The following HMCN1 variants were observed in gnomAD, a reference collection of about 807,000 sequenced individuals.
HMCN1 encodes hemicentin-1.
In HMCN1, 321 loss-of-function variants were observed where a neutral mutation model predicts 625.9. The ratio of observed to expected loss-of-function variants is 0.51; its 90% CI spans 0.47 to 0.56. The LOEUF is 0.56. HMCN1 is among the 20% of genes least tolerant of loss of function. The probability of loss-of-function intolerance (pLI) is 0.00; values close to 1 mark genes in which losing one functional copy is unlikely to be tolerated. For synonymous variants in HMCN1, 2,425 were observed against 2,417.6 expected, an observed-to-expected ratio of 1.00 and a Z score of -0.09; for missense variants, 6,588 against 6,887.3, an observed-to-expected ratio of 0.96 and a Z score of 1.54.
At chr1:185,982,441 C>CTTTT in intron 18 of HMCN1, 52 bp downstream of exon 18, 19 of 1,227,292 alleles carry the variant, frequency 1.5e-5, no homozygotes, top group Admixed American at 2.2e-5. Flanking sequence ...GTTTTCTTTT[C>CTTTT]TTTTTTTTTT....
intron 4 of HMCN1, among the ~76,000 whole-genome samples, chr1:185,894,285 A>C (rs1280768186): frequency 1.3e-5 from 2 of 150,518 alleles, no homozygotes; most frequent in Non-Finnish European, 2.9e-5. Context: ...TTCAACATTA[A>C]GTTTGTGAGA....
At chr1:186,178,313 C>A (rs1328144724) in intron 103 of HMCN1, 103 bp from the exon 104 acceptor site, 6 of 858,760 alleles carry the variant, frequency 7.0e-6, no homozygotes, top group Non-Finnish European at 1.9e-6. Flanking sequence ...TGGAGGGTAA[C>A]AATGTCTTCA....
At chr1:185,873,724 A>T (rs1663770817) in intron 4 of HMCN1, among the ~76,000 whole-genome samples, 1 of 152,104 alleles carries the variant, frequency 6.6e-6, no homozygotes, top group Non-Finnish European at 1.5e-5. Flanking sequence ...TTGTTATTAC[A>T]TCTTTTCTGC....
rs1661309880 is a variant in HMCN1, at chr1:186,119,762, C to A, written c.11974C>A (p.Pro3992Thr). 1 of 1,613,918 alleles carries A rather than the reference C, an allele frequency of 6.2e-7. No individual in the cohort carries two copies. Among genetic ancestry groups the A allele is most frequent in the Non-Finnish European group, 8.5e-7 (1 of 1,179,890 alleles). The change falls in exon 79 of 107, where the codon CCC (proline) becomes ACC (threonine). Residue 3992 changes from proline (P) to threonine (T), a missense_variant. Around this residue, in one of 3 missense-constraint regions of HMCN1, gnomAD observed 4,628 missense variants for 4,853.1 expected, o/e 0.95. Coordinates refer to ENST00000271588, the MANE Select transcript of HMCN1 (RefSeq NM_031935.3). ...TTTTATAGAGCCTCCAGTCATTCAGCCCCAACCAAGTGAACTACACGTCAT... is the reference window on the plus strand; with the variant it reads ...TTTTATAGAGCCTCCAGTCATTCAGACCCAACCAAGTGAACTACACGTCAT... Reference protein sequence around the residue: ...LHVHEPPVIQPQPSELHVILN... With the variant: ...LHVHEPPVIQTQPSELHVILN...
intron 47 of HMCN1, among the ~76,000 whole-genome samples, 167 bp from the exon 48 acceptor site, chr1:186,062,347 G>A (rs1392556164): frequency 6.6e-6 from 1 of 152,140 alleles, no homozygotes; most frequent in Non-Finnish European, 1.5e-5. Flanking sequence ...GACTTTAAAA[G>A]TAGACTTGAT....
intron 6 of HMCN1, among the ~76,000 whole-genome samples, chr1:185,913,239 C>A (rs1406665391): frequency 6.6e-6 from 1 of 152,128 alleles, no homozygotes; most frequent in African/African-American, 2.4e-5. Flanking sequence ...AATGAATGGG[C>A]CAGAAATGGC....
chr1:185,760,257 A>G (rs1042963939), intron 1 of HMCN1, among the ~76,000 whole-genome samples: 1 of 152,240 alleles, frequency 6.6e-6, no homozygotes, highest in African/African-American at 2.4e-5. Flanking sequence ...GGTTTCGTCT[A>G]GGAGCCAGTC....
chr1:186,187,582 G>T (rs1653416848), intron 105 of HMCN1, among the ~76,000 whole-genome samples: 1 of 152,072 alleles, frequency 6.6e-6, no homozygotes, highest in South Asian at 2.1e-4. Flanking sequence ...TCAAATGCAA[G>T]GTATTCCCCA....
intron 1 of HMCN1, among the ~76,000 whole-genome samples, chr1:185,773,155 A>T (rs1656360694): frequency 6.6e-6 from 1 of 152,176 alleles, no homozygotes; most frequent in Non-Finnish European, 1.5e-5. Context: ...TTCACCCTCC[A>T]GGGGACATTT....
chr1:185,899,764 T>C (rs1051492513), intron 4 of HMCN1, among the ~76,000 whole-genome samples: 3 of 152,098 alleles, frequency 2.0e-5, no homozygotes, highest in Non-Finnish European at 2.9e-5. Context: ...CCCAAATGAA[T>C]GTGTGTTCTA....
chr1:186,177,303 CAAAAAAA>C (rs58160762), intron 103 of HMCN1: 2 of 124,032 alleles, frequency 1.6e-5, no homozygotes, highest in Non-Finnish European at 3.4e-5. Context: ...AACTCCATCT[CAAAAAAA>C]AAAAAAAAAA....
At position 186,048,792 on chromosome 1, in the gene HMCN1, C is replaced by A; in HGVS notation, c.6530C>A (p.Thr2177Lys). 1 of 1,611,940 alleles carries A rather than the reference C, an allele frequency of 6.2e-7. No individual in the cohort carries two copies. Among genetic ancestry groups the A allele is most frequent in the Non-Finnish European group, 8.5e-7 (1 of 1,178,602 alleles). The change falls in exon 42 of 107, where the codon ACA (threonine) becomes AAA (lysine). Residue 2177 changes from threonine (T) to lysine (K), a missense_variant. This residue lies in a region of HMCN1 where 4,628 missense variants were observed against 4,853.1 expected (regional missense o/e 0.95). Coordinates refer to ENST00000271588, the MANE Select transcript of HMCN1 (RefSeq NM_031935.3). ...ACTGGTCGTTACACTTGTGAAGCAA[C>A]AAATGTTGCTGGAAAAACTGAAAAA... ...QDTGRYTCEA[T>K]NVAGKTEKNY... is the part of the protein sequence containing the mutation.
intron 1 of HMCN1, among the ~76,000 whole-genome samples, chr1:185,769,868 G>A (rs541568953): frequency 8.5e-5 from 13 of 152,238 alleles, no homozygotes; most frequent in African/African-American, 3.1e-4. Flanking sequence ...TTTTTATATA[G>A]TGGCTGGCAG....
intron 53 of HMCN1, 113 bp from the exon 54 acceptor site, chr1:186,076,315 T>C: frequency 9.2e-7 from 1 of 1,088,218 alleles, no homozygotes; most frequent in Non-Finnish European, 1.4e-6. Flanking sequence ...TACTTGAAAT[T>C]ATTTCCACAT....
At chr1:185,986,550 T>C (rs1261873354) in intron 19 of HMCN1, among the ~76,000 whole-genome samples, 1 of 152,206 alleles carries the variant, frequency 6.6e-6, no homozygotes, top group Non-Finnish European at 1.5e-5. Context: ...TGAGAGTTGG[T>C]TCTGATTATG....
At chr1:186,086,593 G>C (rs563299501) in intron 58 of HMCN1, among the ~76,000 whole-genome samples, 186 bp downstream of exon 58, 2 of 152,172 alleles carry the variant, frequency 1.3e-5, no homozygotes, top group Non-Finnish European at 2.9e-5. Context: ...ATTTTAGTGG[G>C]AATGTACAAA....
chr1:186,093,757 GT>G (rs933624923), intron 66 of HMCN1, 88 bp downstream of exon 66: 178 of 1,562,900 alleles, frequency 1.1e-4, no homozygotes, highest in Middle Eastern at 5.4e-4. Context: ...TTGAAGAAAT[GT>G]TTTTTTCTAA....
intron 30 of HMCN1, among the ~76,000 whole-genome samples, chr1:186,011,946 C>G (rs1367711273): frequency 6.6e-6 from 1 of 152,018 alleles, no homozygotes; most frequent in Admixed American, 6.6e-5. Context: ...CAGTCTCAGC[C>G]CTGAACTCAA....
At chr1:186,083,638 A>G (rs1389410571) in intron 57 of HMCN1, among the ~76,000 whole-genome samples, 2 of 152,082 alleles carry the variant, frequency 1.3e-5, no homozygotes, top group Admixed American at 1.3e-4. Flanking sequence ...TACATAATAC[A>G]CACATAAAAT....
Sources: allele counts gnomAD v4.1 joint callset (sites outside exome capture counted in the v4.1 genomes callset), GRCh38; gene constraint gnomAD v4.1.1; regional missense constraint gnomAD v4.1.1; transcripts MANE v1.5; gene names NCBI Gene and HGNC (gene_info 2026-07-23, HGNC 2026-07-21).